The following HECW2 variants were observed in gnomAD, a reference collection of about 807,000 sequenced individuals.
HECW2 encodes E3 ubiquitin-protein ligase HECW2.
In HECW2, 61 loss-of-function variants were observed where a neutral mutation model predicts 175.2. The observed-to-expected ratio is 0.35, with a 90% CI of 0.28 to 0.43. The LOEUF is 0.43. Ranked by LOEUF, HECW2 falls within the 20% of genes least tolerant of loss-of-function variation. The probability of loss-of-function intolerance (pLI) is 1.00; values close to 1 mark genes in which losing one functional copy is unlikely to be tolerated. For missense variants in HECW2, 1,524 were observed against 2,000.5 expected (o/e 0.76, Z 4.54); for synonymous variants, 671 against 731.0 (o/e 0.92, Z 1.32).
chr2:196,525,209 T>C (rs1244534118), intron 1 of HECW2, among the ~76,000 whole-genome samples: 11 of 147,238 alleles, frequency 7.5e-5, no homozygotes, highest in Non-Finnish European at 1.3e-4. Flanking sequence ...TCTTGTTGAA[T>C]TGATCCCTTT....
chr2:196,539,692 T>C (rs934238911), intron 1 of HECW2, among the ~76,000 whole-genome samples: 3 of 152,152 alleles, frequency 2.0e-5, no homozygotes, highest in Admixed American at 6.5e-5. Flanking sequence ...TAATCTCACA[T>C]GAGGGTCCCT....
At chr2:196,280,350 C>T (rs1027419789) in intron 14 of HECW2, among the ~76,000 whole-genome samples, 2 of 152,112 alleles carry the variant, frequency 1.3e-5, no homozygotes, top group East Asian at 1.9e-4. Flanking sequence ...TATATTTATG[C>T]CTATTTAGAA....
chr2:196,560,108 CTG>C (rs1193264466), intron 1 of HECW2, among the ~76,000 whole-genome samples: 1 of 152,120 alleles, frequency 6.6e-6, no homozygotes, highest in Non-Finnish European at 1.5e-5. Context: ...GCCTGAGAGT[CTG>C]TATTTCTATG....
At position 196,220,834 on chromosome 2, in the gene HECW2, A is replaced by G. The variant is rs1687639808; in HGVS notation, c.4254T>C (p.Val1418=). The G allele has an allele frequency of 1.9e-6, 3 of 1,614,008 alleles. No individual in the cohort carries two copies. Among genetic ancestry groups the G allele is most frequent in the Non-Finnish European group, 1.7e-6 (2 of 1,180,018 alleles). ...GCACTAAGCTCTCTGTTTGCTGTAC[A>G]ACACCCCTCTCAATCCTCCACTTCA... is the stretch of plus-strand genomic sequence containing the variant. The part of the protein sequence containing the change: ...RMVKWRIERG[V]VQQTESLVRG... Residue 1418 remains valine (V), a synonymous_variant, in exon 25 of 29, where the codon GTT becomes GTC. Coordinates refer to ENST00000644978, the MANE Select transcript of HECW2 (RefSeq NM_001348768.2).
At chr2:196,374,346 G>A (rs976777853) in intron 2 of HECW2, among the ~76,000 whole-genome samples, 29 of 152,296 alleles carry the variant, frequency 1.9e-4, no homozygotes, top group Non-Finnish European at 4.0e-4. Context: ...TATATTTAAA[G>A]TTGTAAAAGA....
chr2:196,275,460 G>A lies in HECW2; in HGVS notation c.3136-1337C>T, dbSNP rs565002419. On this transcript the variant is annotated intron_variant, in intron 15 of 28. Coordinates refer to ENST00000644978, the MANE Select transcript of HECW2 (RefSeq NM_001348768.2). ...TATTTTCCTTTCCTATTAAGAATGC[G>A]GGAAATGTGTGGGCCAGGCACGGTG... Among the ~76,000 whole-genome samples the A allele has an allele frequency of 3.9e-4, 60 of 151,972 alleles. 1 individual carries two copies. The highest frequency in any genetic ancestry group is 1.3e-3 in the African/African-American group (52 of 41,462).
At position 196,317,349 on chromosome 2, in the gene HECW2, G is replaced by C; in HGVS notation, c.2359C>G (p.Gln787Glu). ...ACTGAAGGTAGTGATCGCAGTGGCT[G>C]GTGGCCGTTGGCTTGAGAACCTAGG... is the stretch of plus-strand genomic sequence containing the variant. The part of the protein sequence containing the change: ...ATGGSQANGH[Q>E]PLRSLPSVRQ... Residue 787 changes from glutamine (Q) to glutamate (E), a missense_variant, in exon 10 of 29, where the codon CAG (glutamine) becomes GAG (glutamate). Coordinates refer to ENST00000644978, the MANE Select transcript of HECW2 (RefSeq NM_001348768.2). 6.2e-7 allele frequency: 1 copy of C among 1,612,858 alleles called. No homozygotes were observed.
At chr2:196,339,484 T>A (rs1297680477) in intron 3 of HECW2, among the ~76,000 whole-genome samples, 2 of 152,202 alleles carry the variant, frequency 1.3e-5, no homozygotes, top group South Asian at 2.1e-4. Flanking sequence ...CATAGCAATG[T>A]AGGATGAAGT....
At chr2:196,452,702 G>A (rs1271353137) in intron 1 of HECW2, among the ~76,000 whole-genome samples, 1 of 151,892 alleles carries the variant, frequency 6.6e-6, no homozygotes, top group Non-Finnish European at 1.5e-5. Context: ...ATGGAGGGTG[G>A]TGGAGGGATC....
At chr2:196,215,298 T>C (rs1041187024) in intron 28 of HECW2, among the ~76,000 whole-genome samples, 2 of 152,194 alleles carry the variant, frequency 1.3e-5, no homozygotes, top group Non-Finnish European at 2.9e-5. Context: ...CACCCAATTA[T>C]CACACTGACA....
rs1160140452 is a variant in HECW2, at chr2:196,323,915, G to GTTTTTTTTTTTTTTTTTT, written c.741+1064_741+1065insAAAAAAAAAAAAAAAAAA. 2.9e-5 allele frequency among the ~76,000 whole-genome samples: 2 copies of GTTTTTTTTTTTTTTTTTT among 68,800 alleles called. 1 individual carries two copies. Among genetic ancestry groups the GTTTTTTTTTTTTTTTTTT allele is most frequent in the Non-Finnish European group, 6.1e-5 (2 of 32,638 alleles). The allele number at this position is 68,800 out of a possible 152,430, so 45.1% of individuals were successfully genotyped here. On this transcript the variant is annotated intron_variant, in intron 6 of 28. Coordinates refer to ENST00000644978, the MANE Select transcript of HECW2 (RefSeq NM_001348768.2). ...CCCTTAAGAGTTTTTTTTGTTTTTT[G>GTTTTTTTTTTTTTTTTTT]TTTGTTTTTTTTTTTTTTTTTTACC...
chr2:196,412,429 C>T (rs575298885), intron 2 of HECW2, among the ~76,000 whole-genome samples: 32 of 152,214 alleles, frequency 2.1e-4, no homozygotes, highest in Non-Finnish European at 3.8e-4. Flanking sequence ...TTCTGAGGTA[C>T]TGGGGTTACG....
At chr2:196,263,273 G>T (rs573314370) in intron 17 of HECW2, 1 of 152,058 alleles carries the variant, frequency 6.6e-6, no homozygotes, top group Non-Finnish European at 1.5e-5. Context: ...TCCTCTGCAC[G>T]GAATCACCCC....
chr2:196,561,403 A>G (rs1689996128), intron 1 of HECW2, among the ~76,000 whole-genome samples: 1 of 152,176 alleles, frequency 6.6e-6, no homozygotes, highest in African/African-American at 2.4e-5. Context: ...TTCATTAGTA[A>G]TTCTAGTTTT....
intron 1 of HECW2, among the ~76,000 whole-genome samples, chr2:196,522,080 C>G (rs1320872492): frequency 1.3e-5 from 2 of 152,192 alleles, no homozygotes; most frequent in Non-Finnish European, 2.9e-5. Flanking sequence ...AATGGTTGAA[C>G]TAGTTTACAA....
intron 1 of HECW2, among the ~76,000 whole-genome samples, chr2:196,591,230 A>G (rs148690834): frequency 6.4e-4 from 98 of 152,344 alleles, no homozygotes; most frequent in Middle Eastern, 3.4e-3. Flanking sequence ...GGAAATCATC[A>G]TGGTGCCCAA....
intron 2 of HECW2, among the ~76,000 whole-genome samples, chr2:196,416,775 ATTAT>A (rs1292339574): frequency 1.3e-5 from 2 of 152,178 alleles, no homozygotes; most frequent in East Asian, 3.8e-4. Context: ...CTTTGTTGTT[ATTAT>A]TTGTTTGTTT....
intron 1 of HECW2, among the ~76,000 whole-genome samples, chr2:196,551,594 G>C (rs1034236685): frequency 6.6e-6 from 1 of 151,950 alleles, no homozygotes; most frequent in African/African-American, 2.4e-5. Flanking sequence ...CTTTATACTG[G>C]TATAATATAA....
At chr2:196,462,865 G>A (rs1023549400) in intron 1 of HECW2, among the ~76,000 whole-genome samples, 4 of 152,180 alleles carry the variant, frequency 2.6e-5, no homozygotes, top group African/African-American at 4.8e-5. Flanking sequence ...TGAAACAAAT[G>A]TGTACAAATG....
Sources: allele counts gnomAD v4.1 joint callset (sites outside exome capture counted in the v4.1 genomes callset), GRCh38; gene constraint gnomAD v4.1.1; transcripts MANE v1.5; gene names NCBI Gene and HGNC (gene_info 2026-07-23, HGNC 2026-07-21).